Variants in AGO4 observed in about 807,000 individuals in gnomAD.
AGO4 encodes the protein protein argonaute-4.
A neutral mutation model predicts 104.7 loss-of-function variants in AGO4; 33 were observed. The observed-to-expected ratio is 0.32, with a 90% CI of 0.24 to 0.42. The LOEUF (loss-of-function observed/expected upper bound fraction) is 0.42. Ranked by LOEUF, AGO4 falls within the 10% of genes least tolerant of loss-of-function variation. The pLI is 1.00. For missense variants in AGO4, 711 were observed against 1,083.4 expected (o/e 0.66, Z 4.83); for synonymous variants, 331 against 364.7 (o/e 0.91, Z 1.05).
intron 15 of AGO4, among the ~76,000 whole-genome samples, chr1:35,843,659 G>GA (rs144999685): frequency 1.1e-4 from 16 of 148,766 alleles, no homozygotes; most frequent in Non-Finnish European, 1.6e-4. Context: ...GATATGCTGT[G>GA]AAAAAAAAAA....
chr1:35,836,202 G>A (rs72659694), intron 13 of AGO4, among the ~76,000 whole-genome samples: 8,709 of 152,042 alleles, frequency 0.057, 307 homozygotes, highest in South Asian at 0.067. Context: ...AACCCCCAAA[G>A]GTGACCACCA....
Position 35,841,251 on chromosome 1 carries a change from C to G in AGO4, c.1811C>G (p.Ala604Gly). ...PAGDGKKPSI[A>G]AVVGSMDGHP... ...GGGGATGGGAAGAAACCTTCCATTG[C>G]TGCTGTGGTTGGCAGTATGGATGGC... Residue 604 changes from alanine (A) to glycine (G), a missense_variant, in exon 14 of 18, where the codon GCT becomes GGT. Physicochemically the swap from Ala to Gly is moderately conservative, Grantham distance 60. This residue lies in a region of AGO4 where 401 missense variants were observed against 665.5 expected (regional missense o/e 0.60). Transcript: ENST00000373210. The surrounding 1 kb of genome is among the most constrained non-coding windows in gnomAD (Gnocchi z 4.7). 2 of 1,614,174 alleles carry G rather than the reference C, an allele frequency of 1.2e-6. No individual in the cohort carries two copies. Among genetic ancestry groups the G allele is most frequent in the Non-Finnish European group, 1.7e-6 (2 of 1,180,036 alleles).
At chr1:35,837,506 A>G (rs541524775) in intron 13 of AGO4, among the ~76,000 whole-genome samples, 2 of 152,166 alleles carry the variant, frequency 1.3e-5, no homozygotes, top group East Asian at 1.9e-4. Context: ...CAGCCTCCCA[A>G]GTAGCTGGGA....
intron 4 of AGO4, 68 bp downstream of exon 4, chr1:35,825,562 T>C (rs2148661063): frequency 6.4e-7 from 1 of 1,553,198 alleles, no homozygotes. Flanking sequence ...ACTGGAGCCA[T>C]TGAAAAATTT....
In AGO4 at chr1:35,833,071, G is replaced by A. The variant is rs939308414; in HGVS notation, c.1379+501G>A. 3.3e-5 allele frequency among the ~76,000 whole-genome samples: 5 copies of A among 152,064 alleles called. No homozygotes were observed. In the South Asian group the frequency reaches 1.0e-3, roughly 32 times the overall value. ...CGAGGTGGGTGGATCATGGGGTCAG[G>A]AGATCGAGATCATCCTGGCCAACAT... On this transcript the variant is annotated intron_variant, in intron 11 of 17. Transcript: ENST00000373210.
At chr1:35,817,577 G>A (rs540350151) in intron 2 of AGO4, among the ~76,000 whole-genome samples, 1 of 152,156 alleles carries the variant, frequency 6.6e-6, no homozygotes, top group Admixed American at 6.5e-5. Context: ...TAAGTATTGT[G>A]GTCTGTATAG....
chr1:35,834,888 G>A (rs1034678792), intron 12 of AGO4, among the ~76,000 whole-genome samples: 18 of 151,856 alleles, frequency 1.2e-4, no homozygotes, highest in Admixed American at 2.6e-4. Context: ...TAGAGATAGG[G>A]TTTTGCCGTG....
In AGO4 at chr1:35,841,220, C is replaced by T; in HGVS notation, c.1780C>T (p.Pro594Ser). 6.2e-7 allele frequency: 1 copy of T among 1,614,066 alleles called. No individual in the cohort carries two copies. Among genetic ancestry groups the T allele is most frequent in the Non-Finnish European group, 8.5e-7 (1 of 1,179,912 alleles). ...IFLGADVTHP[P>S]AGDGKKPSIA... The stretch of plus-strand genomic sequence containing the variant: ...CCTGGGAGCGGATGTCACACACCCC[C>T]CAGCAGGGGATGGGAAGAAACCTTC... Residue 594 changes from proline (P) to serine (S), a missense_variant, in exon 14 of 18, where the codon CCA (proline) becomes TCA (serine). Pro to Ser is a moderately conservative substitution (Grantham distance 74). Around this residue, in one of 3 missense-constraint regions of AGO4, gnomAD observed 401 missense variants for 665.5 expected, o/e 0.60. Transcript: ENST00000373210. The surrounding 1 kb of genome is among the most constrained non-coding windows in gnomAD (Gnocchi z 4.7).
intron 2 of AGO4, among the ~76,000 whole-genome samples, chr1:35,820,109 G>A (rs1643860653): frequency 6.6e-6 from 1 of 152,194 alleles, no homozygotes; most frequent in African/African-American, 2.4e-5. Context: ...GGCAAAGGAA[G>A]AAGATGTTTT....
intron 12 of AGO4, 26 bp downstream of exon 12, chr1:35,834,200 A>C: frequency 6.7e-7 from 1 of 1,486,462 alleles, no homozygotes; most frequent in South Asian, 1.4e-5. Context: ...ATGCTGAATG[A>C]GGGATGATTT....
chr1:35,820,979 A>G (rs1262477785), intron 2 of AGO4, among the ~76,000 whole-genome samples: 5 of 152,214 alleles, frequency 3.3e-5, no homozygotes, highest in African/African-American at 1.2e-4. Context: ...GTGAAAGATT[A>G]AGTAACTTGT....
At chr1:35,843,049 C>T (rs976575462) in intron 15 of AGO4, among the ~76,000 whole-genome samples, 3 of 152,012 alleles carry the variant, frequency 2.0e-5, no homozygotes, top group East Asian at 1.9e-4. Context: ...GTCTCTAATC[C>T]GAGGATGAAC....
In AGO4 at chr1:35,841,493, T is replaced by A. The variant is rs755291010; in HGVS notation, c.2040+13T>A. ...ACAAATGAAACAGGTACTCTCATTATCCCTGTTGCCCTTCGGGGCCCCTAG... is the reference window on the plus strand; with the variant it reads ...ACAAATGAAACAGGTACTCTCATTAACCCTGTTGCCCTTCGGGGCCCCTAG... On this transcript the variant is annotated intron_variant, in intron 14 of 17. Coordinates refer to ENST00000373210, the MANE Select transcript of AGO4 (RefSeq NM_017629.4). The surrounding 1 kb of genome is among the most constrained non-coding windows in gnomAD (Gnocchi z 4.7). 1.2e-6 allele frequency: 2 copies of A among 1,610,840 alleles called. No individual in the cohort carries two copies. Among genetic ancestry groups the A allele is most frequent in the East Asian group, 4.5e-5 (2 of 44,820 alleles).
Position 35,831,943 on chromosome 1 carries a change from A to G in AGO4, c.1116+12A>G, listed in dbSNP as rs770612039. The stretch of plus-strand genomic sequence containing the variant: ...AGATCAGTAGACTGGTCAGTAAGGC[A>G]TGGTCTTCAAGATGAGCTAGCTTTG... On this transcript the variant is annotated intron_variant, in intron 9 of 17. Coordinates refer to ENST00000373210, the MANE Select transcript of AGO4 (RefSeq NM_017629.4). 28 of 1,613,000 alleles carry G rather than the reference A, an allele frequency of 1.7e-5. No homozygotes were observed. The East Asian group carries it at 5.3e-4, about 31-fold the overall frequency.
intron 1 of AGO4, among the ~76,000 whole-genome samples, chr1:35,811,467 A>T (rs1238567215): frequency 5.3e-5 from 8 of 150,272 alleles, no homozygotes; most frequent in African/African-American, 2.0e-4. Context: ...ATCCAAAAAA[A>T]AACAAAAAAA....
intron 2 of AGO4, among the ~76,000 whole-genome samples, chr1:35,822,351 G>A (rs12047311): frequency 0.089 from 13,545 of 152,050 alleles, 2,110 homozygotes; most frequent in East Asian, 0.7. Context: ...CGCTTCCCAG[G>A]TTCAAGCGAT....
Position 35,834,108 on chromosome 1 carries a change from C to A in AGO4, c.1498C>A (p.Leu500Met). 1 of 1,611,238 alleles carries A rather than the reference C, an allele frequency of 6.2e-7. No homozygotes were observed. The highest frequency in any genetic ancestry group is 8.5e-7 in the Non-Finnish European group (1 of 1,178,840). ...ADSVEPMFKH[L>M]KMTYVGLQLI... ...CAGTGTGGAGCCTATGTTTAAACAT[C>A]TGAAAATGACTTATGTGGGCCTACA... The change falls in exon 12 of 18, where the codon CTG becomes ATG. Residue 500 changes from leucine to methionine, a missense_variant. Around this residue, in one of 3 missense-constraint regions of AGO4, gnomAD observed 401 missense variants for 665.5 expected, o/e 0.60. Transcript: ENST00000373210.
chr1:35,812,191 T>TA (rs1166731052), intron 1 of AGO4, among the ~76,000 whole-genome samples: 48 of 134,068 alleles, frequency 3.6e-4, no homozygotes, highest in East Asian at 1.7e-3. Context: ...TAGCCCAAAT[T>TA]AAAAAAAAAA....
At position 35,841,793 on chromosome 1, in the gene AGO4, A is replaced by C; in HGVS notation, c.2175+43A>C. On this transcript the variant is annotated intron_variant, in intron 15 of 17. Coordinates refer to ENST00000373210, the MANE Select transcript of AGO4 (RefSeq NM_017629.4). This position sits in a 1 kb window ranked among gnomAD's most constrained non-coding sequence, Gnocchi z 4.7. ...AAGCTTTGTTATCTGAGGCTCTGGC[A>C]AGAGATGTATATATGCACATATATA... 1 of 1,517,650 alleles carries C rather than the reference A, an allele frequency of 6.6e-7. No homozygotes were observed. Among genetic ancestry groups the C allele is most frequent in the Non-Finnish European group, 9.0e-7 (1 of 1,113,110 alleles). The allele number at this position is 1,517,650 out of a possible 1,614,324, so 94.0% of individuals were successfully genotyped here. A position where few individuals can be genotyped will look rare whatever the true frequency, so the allele number is the denominator to read the frequency against.
Sources: gnomAD v4.1 joint callset for allele counts (sites outside exome capture counted in the v4.1 genomes callset) on GRCh38, gnomAD v4.1.1 for gene constraint, gnomAD v4.1.1 regional missense constraint, Gnocchi (gnomAD v3.1) non-coding constraint, MANE v1.5 for transcripts, NCBI Gene and HGNC (gene_info 2026-07-23, HGNC 2026-07-21) for gene names.